The following PTPRD variants were observed in gnomAD, a reference collection of about 807,000 sequenced individuals.
PTPRD encodes the protein protein tyrosine phosphatase receptor type D, also known as receptor-type tyrosine-protein phosphatase delta.
In PTPRD, 34 loss-of-function variants were observed where a neutral mutation model predicts 214.5. The ratio of observed to expected loss-of-function variants is 0.16; its 90% confidence interval spans 0.12 to 0.21. The LOEUF (loss-of-function observed/expected upper bound fraction) is 0.21, where lower values mean the gene tolerates loss of function less well. Among genes scored for constraint, PTPRD ranks in the 10% least tolerant of loss-of-function variants. PTPRD has a pLI of 1.00. For synonymous variants in PTPRD, 1,128 were observed against 845.7 expected (o/e 1.33, Z -5.79); for missense variants, 2,545 against 2,398.7 (o/e 1.06, Z -1.27).
chr9:9,363,070 C>G (rs887694725), intron 9 of PTPRD, among the ~76,000 whole-genome samples: 2 of 145,034 alleles, frequency 1.4e-5, no homozygotes, highest in Non-Finnish European at 3.0e-5. Flanking sequence ...ACTGTGCTAA[C>G]AAAGGAAGAA....
intron 7 of PTPRD, among the ~76,000 whole-genome samples, chr9:9,610,651 G>A (rs916116236): frequency 2.0e-5 from 3 of 152,122 alleles, no homozygotes; most frequent in Non-Finnish European, 4.4e-5. Context: ...TGAGAAGGAT[G>A]AAAGATGACA....
chr9:9,370,562 G>A (rs1470737215), intron 9 of PTPRD, among the ~76,000 whole-genome samples: 1 of 151,522 alleles, frequency 6.6e-6, no homozygotes, highest in Non-Finnish European at 1.5e-5. Context: ...TGCAAACAGG[G>A]ACAATTTGAC....
intron 11 of PTPRD, among the ~76,000 whole-genome samples, chr9:8,988,272 T>C (rs1175615182): frequency 6.6e-6 from 1 of 152,126 alleles, no homozygotes; most frequent in Non-Finnish European, 1.5e-5. Flanking sequence ...AATATCTAAA[T>C]AAAATGATTA....
chr9:8,418,933 T>C (rs1001484622), intron 35 of PTPRD, among the ~76,000 whole-genome samples: 1 of 152,074 alleles, frequency 6.6e-6, no homozygotes, highest in African/African-American at 2.4e-5. Flanking sequence ...AGGAGATTTA[T>C]ATATGTCTGT....
At chr9:8,446,197 T>C (rs576425984) in intron 34 of PTPRD, among the ~76,000 whole-genome samples, 35 of 152,332 alleles carry the variant, frequency 2.3e-4, no homozygotes, top group South Asian at 1.2e-3. Context: ...ATGTTTGTGG[T>C]ACTGCATTTA....
intron 2 of PTPRD, among the ~76,000 whole-genome samples, chr9:10,399,611 G>A (rs565704546): frequency 1.3e-5 from 2 of 151,982 alleles, no homozygotes; most frequent in African/African-American, 4.8e-5. Context: ...AAATAGATAT[G>A]AGGGGCATAA....
At chr9:9,333,410 T>A (rs951025792) in intron 9 of PTPRD, among the ~76,000 whole-genome samples, 1 of 149,698 alleles carries the variant, frequency 6.7e-6, no homozygotes, top group African/African-American at 2.5e-5. Context: ...TAGGGGAGAA[T>A]AAAAGCTACA....
At chr9:9,612,251 A>G (rs1203400267) in intron 7 of PTPRD, among the ~76,000 whole-genome samples, 2 of 152,098 alleles carry the variant, frequency 1.3e-5, no homozygotes, top group Non-Finnish European at 2.9e-5. Flanking sequence ...TCTGAAATGA[A>G]GTTAGAAAGG....
chr9:9,819,052 G>C (rs897831771), intron 5 of PTPRD, among the ~76,000 whole-genome samples: 20 of 151,960 alleles, frequency 1.3e-4, no homozygotes, highest in African/African-American at 4.8e-4. Context: ...CTGAGATACT[G>C]TCGAAATGTT....
chr9:8,748,541 G>A (rs55688798), intron 11 of PTPRD, among the ~76,000 whole-genome samples: 45,742 of 98,072 alleles, frequency 0.47, 12,443 homozygotes, highest in Non-Finnish European at 0.56. Flanking sequence ...AAAAAAAAAA[G>A]AAAAAGAAAA....
chr9:9,925,654 C>T (rs1443472609), intron 5 of PTPRD, among the ~76,000 whole-genome samples: 1 of 151,960 alleles, frequency 6.6e-6, no homozygotes, highest in Non-Finnish European at 1.5e-5. Flanking sequence ...CCTTACCTAC[C>T]TGCATAACTA....
chr9:9,104,409 CAGAT>C (rs2099795615), intron 10 of PTPRD, among the ~76,000 whole-genome samples: 1 of 152,168 alleles, frequency 6.6e-6, no homozygotes, highest in Non-Finnish European at 1.5e-5. Flanking sequence ...CTTTAGCCAA[CAGAT>C]AGTGTGCCAA....
At chr9:8,347,455 T>G (rs2074179079) in intron 39 of PTPRD, among the ~76,000 whole-genome samples, 1 of 152,090 alleles carries the variant, frequency 6.6e-6, no homozygotes, top group East Asian at 1.9e-4. Context: ...GCTTACAGTT[T>G]AGTGGGGGAA....
intron 10 of PTPRD, among the ~76,000 whole-genome samples, chr9:9,138,709 G>C (rs908119461): frequency 9.9e-5 from 15 of 152,048 alleles, no homozygotes; most frequent in African/African-American, 2.2e-4. Flanking sequence ...TTTAATTTAT[G>C]CTACACATTT....
At chr9:8,995,091 G>T (rs527566647) in intron 11 of PTPRD, among the ~76,000 whole-genome samples, 1 of 151,872 alleles carries the variant, frequency 6.6e-6, no homozygotes, top group Non-Finnish European at 1.5e-5. Flanking sequence ...AATGAGAGAA[G>T]CTCTACATGA....
At chr9:9,417,082 C>T (rs987532269) in intron 8 of PTPRD, among the ~76,000 whole-genome samples, 20 of 152,074 alleles carry the variant, frequency 1.3e-4, no homozygotes, top group African/African-American at 3.9e-4. Context: ...TCTTCAATTT[C>T]GGGGTTAATG....
At position 9,910,364 on chromosome 9, in the gene PTPRD, T is replaced by A. The variant is rs539628805; in HGVS notation, c.-368+28143A>T. ...ATGTGTGCAATCTTTTAAAAATATC[T>A]GTATAGCAATTTTCAGTCAACATCT... On this transcript the variant is annotated intron_variant, in intron 5 of 45. Transcript: ENST00000381196. Among the ~76,000 whole-genome samples the A allele has an allele frequency of 1.4e-4, 21 of 152,146 alleles. No individual in the cohort carries two copies. The East Asian group carries it at 2.5e-3, about 18-fold the overall frequency.
At chr9:9,963,597 C>A (rs1033144658) in intron 4 of PTPRD, among the ~76,000 whole-genome samples, 1 of 152,096 alleles carries the variant, frequency 6.6e-6, no homozygotes, top group African/African-American at 2.4e-5. Flanking sequence ...ATAAAAAAGG[C>A]AGCATAAAAT....
chr9:8,576,598 T>C (rs759279880), intron 14 of PTPRD, among the ~76,000 whole-genome samples: 2 of 149,336 alleles, frequency 1.3e-5, no homozygotes, highest in Non-Finnish European at 3.0e-5. Flanking sequence ...AGATATTTAA[T>C]CTTGTCTTTG....
Sources: allele counts gnomAD v4.1 joint callset (sites outside exome capture counted in the v4.1 genomes callset), GRCh38; gene constraint gnomAD v4.1.1; transcripts MANE v1.5; gene names NCBI Gene and HGNC (gene_info 2026-07-23, HGNC 2026-07-21).